TOGARAM2: variants seen among roughly 807,000 people sequenced by gnomAD.
The protein encoded by TOGARAM2 is TOG array regulator of axonemal microtubules protein 2.
A neutral mutation model predicts 93.3 loss-of-function variants in TOGARAM2; 85 were observed. The ratio of observed to expected loss-of-function variants is 0.91; its 90% CI spans 0.76 to 1.09. The LOEUF is 1.09. TOGARAM2 is among the 50% of genes least tolerant of loss of function. The pLI, the probability that TOGARAM2 is intolerant of heterozygous loss-of-function variation, is 0.00. For synonymous variants in TOGARAM2, 593 were observed against 552.8 expected (o/e 1.07, Z -1.02); for missense variants, 1,277 against 1,334.5 (o/e 0.96, Z 0.67).
Position 29,045,357 on chromosome 2 carries a change from G to A in TOGARAM2, c.2669G>A (p.Arg890Gln), listed in dbSNP as rs534119620. Residue 890 changes from arginine to glutamine, a missense_variant, in exon 19 of 20, where the codon CGA (arginine) becomes CAA (glutamine). By Grantham distance (43) the Arg-to-Gln change is conservative. Coordinates refer to ENST00000379558, the MANE Select transcript of TOGARAM2 (RefSeq NM_199280.4). ...NLCLLPALAG[R>Q]VRFLSGRAVL... ...TGCCTTCTACCAGCGCTTGCTGGGC[G>A]AGTGCGTTTCCTGAGTGGCCGTGCG... 5.6e-6 allele frequency: 9 copies of A among 1,613,730 alleles called. No homozygotes were observed. The highest frequency in any genetic ancestry group is 3.3e-5 in the Admixed American group (2 of 60,030).
chr2:29,012,786 G>T (rs541856073), intron 7 of TOGARAM2, among the ~76,000 whole-genome samples: 80 of 152,352 alleles, frequency 5.3e-4, no homozygotes, highest in African/African-American at 1.8e-3. Context: ...GGCTCACAGG[G>T]TCTTGTCTGA....
intron 3 of TOGARAM2, among the ~76,000 whole-genome samples, chr2:28,998,676 C>G (rs1673120652): frequency 6.6e-6 from 1 of 152,194 alleles, no homozygotes; most frequent in Non-Finnish European, 1.5e-5. Context: ...AGGTGAAGAG[C>G]ACCACTTCCT....
intron 18 of TOGARAM2, among the ~76,000 whole-genome samples, chr2:29,039,055 T>C (rs1666280930): frequency 6.6e-6 from 1 of 152,108 alleles, no homozygotes; most frequent in African/African-American, 2.4e-5. Flanking sequence ...TTTCCCGCTG[T>C]CCCAGGGGAT....
intron 1 of TOGARAM2, among the ~76,000 whole-genome samples, chr2:28,976,173 A>G (rs1672028432): frequency 6.6e-6 from 1 of 152,194 alleles, no homozygotes; most frequent in Non-Finnish European, 1.5e-5. Context: ...GATCGAGACC[A>G]TCCTGGCTAA....
chr2:29,011,329 A>T, intron 6 of TOGARAM2, 126 bp from the exon 7 acceptor site: 1 of 738,866 alleles, frequency 1.4e-6, no homozygotes. Context: ...CTGCAGGGAT[A>T]ACAGTGCCGT....
At position 29,033,542 on chromosome 2, in the gene TOGARAM2, A is replaced by G; in HGVS notation, c.2204A>G (p.Asn735Ser). The G allele has an allele frequency of 6.2e-7, 1 of 1,613,606 alleles. No homozygotes were observed. Among genetic ancestry groups the G allele is most frequent in the Non-Finnish European group, 8.5e-7 (1 of 1,179,786 alleles). Residue 735 changes from asparagine to serine, a missense_variant, in exon 16 of 20, where the codon AAC becomes AGC. Asn to Ser is a conservative substitution (Grantham distance 46, BLOSUM62 1). Coordinates refer to ENST00000379558, the MANE Select transcript of TOGARAM2 (RefSeq NM_199280.4). The stretch of plus-strand genomic sequence containing the variant: ...TTGAGGAGTCTGGTGGTGTGTGAGA[A>G]CGGGCTGCCCATCAAGGAGGGGTAT... ...KVLRSLVVCE[N>S]GLPIKEGLSC...
At chr2:29,009,644 C>T (rs1166402662) in intron 6 of TOGARAM2, among the ~76,000 whole-genome samples, 1 of 152,104 alleles carries the variant, frequency 6.6e-6, no homozygotes, top group Non-Finnish European at 1.5e-5. Context: ...CAGATACTGG[C>T]ACCCTTCTTG....
chr2:28,987,585 G>A (rs1364356404), intron 1 of TOGARAM2, among the ~76,000 whole-genome samples: 4 of 152,114 alleles, frequency 2.6e-5, no homozygotes, highest in South Asian at 2.1e-4. Context: ...CACCACACCC[G>A]GCCAATGTGC....
intron 1 of TOGARAM2, among the ~76,000 whole-genome samples, chr2:28,983,177 A>AATAAATAAATAT (rs781160203): frequency 2.5e-4 from 8 of 32,390 alleles, no homozygotes; most frequent in African/African-American, 3.8e-4. Context: ...TGTATATATA[A>AATAAATAAATAT]ATATATATAT....
Position 28,999,246 on chromosome 2 carries a change from C to A in TOGARAM2, c.205C>A (p.Leu69Ile). ...NEEPSQLLRG[L>I]GQLGGLKLDT... ...GGAACCGTCACAGCTCCTGCGTGGA[C>A]TCGGACAGCTGGGTGGCCTCAAGCT... is the stretch of plus-strand genomic sequence containing the variant. The change falls in exon 4 of 20, where the codon CTC becomes ATC. Residue 69 changes from leucine (L) to isoleucine (I), a missense_variant. By Grantham distance (5) the Leu-to-Ile change is conservative. Transcript: ENST00000379558. 6.2e-7 allele frequency: 1 copy of A among 1,613,906 alleles called. No homozygotes were observed. The highest frequency in any genetic ancestry group is 8.5e-7 in the Non-Finnish European group (1 of 1,179,850).
At chr2:28,994,551 C>T (rs1377993324) in intron 1 of TOGARAM2, among the ~76,000 whole-genome samples, 174 bp from the exon 2 acceptor site, 7 of 152,204 alleles carry the variant, frequency 4.6e-5, no homozygotes, top group African/African-American at 1.4e-4. Flanking sequence ...CACACGGCCT[C>T]GCACTTGGGA....
chr2:28,978,897 T>G (rs1000280147), upstream of TOGARAM2, among the ~76,000 whole-genome samples: 3 of 152,170 alleles, frequency 2.0e-5, no homozygotes, highest in Non-Finnish European at 2.9e-5. Flanking sequence ...TGGCCGCCCT[T>G]CCACCAGGGG....
chr2:29,006,256 A>ATG (rs1363093374), intron 6 of TOGARAM2, among the ~76,000 whole-genome samples: 3 of 130,332 alleles, frequency 2.3e-5, no homozygotes, highest in East Asian at 4.9e-4. Context: ...GTGTGTGTGC[A>ATG]TGTGTGTGGA....
intron 1 of TOGARAM2, among the ~76,000 whole-genome samples, chr2:28,961,907 G>A (rs554118356): frequency 8.5e-5 from 13 of 152,090 alleles, no homozygotes; most frequent in Non-Finnish European, 1.9e-4. Context: ...GATACTCTTT[G>A]TTTTTTCTCC....
At position 29,017,853 on chromosome 2, in the gene TOGARAM2, C is replaced by A; in HGVS notation, c.1257C>A (p.Cys419Ter). 6.2e-7 allele frequency: 1 copy of A among 1,613,528 alleles called. No homozygotes were observed. Among genetic ancestry groups the A allele is most frequent in the Non-Finnish European group, 8.5e-7 (1 of 1,179,748 alleles). The change falls in exon 10 of 20, where the codon TGC becomes TGA. Residue 419 changes from cysteine to a stop codon, truncating the protein, a stop_gained. Transcript: ENST00000379558. LOFTEE classifies it high-confidence loss of function. ...LSVPTRLSGP[C>*]RNDVSIILRK... ...TGCCCACTAGGCTGAGCGGCCCATGCAGAAACGACGTCAGCATCATCCTGA... is the reference window on the plus strand; with the variant it reads ...TGCCCACTAGGCTGAGCGGCCCATGAAGAAACGACGTCAGCATCATCCTGA...
chr2:29,011,074 C>T (rs1254281145), intron 6 of TOGARAM2, among the ~76,000 whole-genome samples: 2 of 152,162 alleles, frequency 1.3e-5, no homozygotes, highest in Non-Finnish European at 2.9e-5. Context: ...TCAGTGCTGT[C>T]TAAGCTGGGA....
At chr2:29,024,539 T>C (rs763089336) in intron 13 of TOGARAM2, among the ~76,000 whole-genome samples, 165 bp downstream of exon 13, 1 of 151,956 alleles carries the variant, frequency 6.6e-6, no homozygotes, top group Non-Finnish European at 1.5e-5. Flanking sequence ...GACAGGGTGA[T>C]GGGTCAGAGG....
At chr2:29,025,471 T>G (rs1665293549) in intron 13 of TOGARAM2, among the ~76,000 whole-genome samples, 2 of 151,908 alleles carry the variant, frequency 1.3e-5, no homozygotes, top group African/African-American at 2.4e-5. Context: ...GCTAATGAGG[T>G]AGATGTGAGA....
In TOGARAM2 at chr2:29,002,690, C is replaced by G. The variant is rs1673378598; in HGVS notation, c.582C>G (p.Gly194=). Residue 194 remains glycine, a synonymous_variant, in exon 5 of 20, where the codon GGC becomes GGG. Coordinates refer to ENST00000379558, the MANE Select transcript of TOGARAM2 (RefSeq NM_199280.4). ...TPEASGVKEK[G]LDLPGSIPGP... The stretch of plus-strand genomic sequence containing the variant: ...AGGCCAGCGGAGTCAAAGAGAAGGG[C>G]CTGGACCTACCGGGGAGCATTCCGG... 6.2e-7 allele frequency: 1 copy of G among 1,613,888 alleles called. No individual in the cohort carries two copies. The highest frequency in any genetic ancestry group is 1.1e-5 in the South Asian group (1 of 91,074).
Sources: allele counts gnomAD v4.1 joint callset (sites outside exome capture counted in the v4.1 genomes callset), GRCh38; gene constraint gnomAD v4.1.1; transcripts MANE v1.5; gene names NCBI Gene and HGNC (gene_info 2026-07-23, HGNC 2026-07-21).